C22orf23: variants seen among roughly 807,000 people sequenced by gnomAD.
The protein encoded by C22orf23 is chromosome 22 open reading frame 23.
C22orf23 carries 30 observed loss-of-function variants against 29.7 expected under a neutral mutation model. The observed-to-expected ratio is 1.01, with a 90% CI of 0.76 to 1.37. The LOEUF is 1.37. Ranked by LOEUF, C22orf23 falls within the 40% of genes most tolerant of loss-of-function variation. The pLI is 0.00. For missense variants in C22orf23, 237 were observed against 273.1 expected, an observed-to-expected ratio of 0.87 and a Z score of 0.93; for synonymous variants, 90 against 96.1, an observed-to-expected ratio of 0.94 and a Z score of 0.37.
chr22:37,947,613 C>T lies in C22orf23; in HGVS notation c.167-150G>A, dbSNP rs187664254. On this transcript the variant is annotated intron_variant, in intron 3 of 6. Coordinates refer to ENST00000403305, the MANE Select transcript of C22orf23 (RefSeq NM_032561.5). ...GCAACCTCTGCCTCTTAGGTTCAAGCGATTCTCCTGCCTCAGTCTCCCAAG... is the reference window on the plus strand; with the variant it reads ...GCAACCTCTGCCTCTTAGGTTCAAGTGATTCTCCTGCCTCAGTCTCCCAAG... 383 of 618,978 alleles carry T rather than the reference C, an allele frequency of 6.2e-4. 2 individuals are homozygous for T. The East Asian group carries it at 0.013, about 20-fold the overall frequency. 38.3% of individuals were successfully genotyped at this position (618,978 alleles called of 1,614,324 possible).
chr22:37,945,215 G>A (rs1930627203), intron 4 of C22orf23, 42 bp from the exon 5 acceptor site: 1 of 1,587,812 alleles, frequency 6.3e-7, no homozygotes, highest in Admixed American at 1.8e-5. Flanking sequence ...GCTGTAAAGG[G>A]TGCCCTTATT....
intron 3 of C22orf23, among the ~76,000 whole-genome samples, chr22:37,949,300 T>C (rs1383507303): frequency 1.3e-5 from 2 of 151,232 alleles, no homozygotes; most frequent in Admixed American, 6.6e-5. Flanking sequence ...TTTTTTTTTT[T>C]TGAGACAGAG....
intron 3 of C22orf23, among the ~76,000 whole-genome samples, chr22:37,947,973 G>A (rs1192602806): frequency 6.6e-6 from 1 of 151,978 alleles, no homozygotes; most frequent in Non-Finnish European, 1.5e-5. Context: ...TGGGCGTGGT[G>A]GCGGGTGCCT....
At chr22:37,944,382 C>CT in intron 6 of C22orf23, 35 bp downstream of exon 6, 1 of 1,613,830 alleles carries the variant, frequency 6.2e-7, no homozygotes, top group Non-Finnish European at 8.5e-7. Context: ...GCGCTGGGCC[C>CT]TTCCCCTCCC....
intron 4 of C22orf23, among the ~76,000 whole-genome samples, chr22:37,946,208 G>A (rs1049965130): frequency 6.6e-6 from 1 of 151,574 alleles, no homozygotes; most frequent in Admixed American, 6.6e-5. Flanking sequence ...GCAGTGAGCC[G>A]AGATGGTGCC....
Position 37,951,497 on chromosome 22 carries a change from C to T in C22orf23, c.129G>A (p.Thr43=), listed in dbSNP as rs12170918. The T allele has an allele frequency of 4.3e-6, 7 of 1,614,006 alleles. No individual in the cohort carries two copies. The highest frequency in any genetic ancestry group is 2.2e-5 in the East Asian group (1 of 44,870). The change falls in exon 3 of 7, where the codon ACG becomes ACA. Residue 43 remains threonine, a synonymous_variant. Transcript: ENST00000403305. ...CCATGATGTGGCGCTGCTGGATGTT[C>T]GTCAGTTTGGATTCCTTCATCATCA... ...LRVMMKESKL[T]NIQQRHIMDI...
At chr22:37,946,832 C>G (rs1186792281) in intron 4 of C22orf23, among the ~76,000 whole-genome samples, 1 of 150,208 alleles carries the variant, frequency 6.7e-6, no homozygotes, top group Non-Finnish European at 1.5e-5. Flanking sequence ...CGAGATAGCA[C>G]CACTGCACTC....
chr22:37,952,633 CACAGGTCAGGT>C (rs1931125423), intron 2 of C22orf23: 1 of 150,010 alleles, frequency 6.7e-6, no homozygotes, highest in South Asian at 2.0e-4. Context: ...AGTGCTAAGC[CACAGGTCAGGT>C]ACGGGGGAAC....
intron 4 of C22orf23, among the ~76,000 whole-genome samples, chr22:37,945,972 G>C (rs1202316943): frequency 2.6e-5 from 4 of 151,556 alleles, no homozygotes; most frequent in Admixed American, 2.6e-4. Context: ...AATTAGCTGG[G>C]CATGGGCCGG....
intron 2 of C22orf23, 46 bp downstream of exon 2, chr22:37,953,001 G>T: frequency 7.0e-7 from 1 of 1,437,634 alleles, no homozygotes; most frequent in Non-Finnish European, 9.7e-7. Context: ...CACGAAACCG[G>T]TCCCTGGTGC....
chr22:37,952,832 GAT>G (rs891303770), intron 2 of C22orf23: 2 of 475,442 alleles, frequency 4.2e-6, no homozygotes, highest in Admixed American at 7.7e-5. Context: ...GACGGCCTTA[GAT>G]TCTCATAGGA....
At chr22:37,946,010 G>A (rs1373127346) in intron 4 of C22orf23, among the ~76,000 whole-genome samples, 2 of 151,806 alleles carry the variant, frequency 1.3e-5, no homozygotes, top group African/African-American at 2.4e-5. Context: ...TGTAATCCCA[G>A]CACTTTGGGA....
chr22:37,951,549 C>A (rs1227522082), intron 2 of C22orf23, 27 bp from the exon 3 acceptor site: 1 of 1,610,310 alleles, frequency 6.2e-7, no homozygotes, highest in East Asian at 2.2e-5. Flanking sequence ...TCTATGAGGC[C>A]TCTTGGGCTG....
At chr22:37,949,093 TTC>T (rs1347272357) in intron 3 of C22orf23, among the ~76,000 whole-genome samples, 2 of 152,090 alleles carry the variant, frequency 1.3e-5, no homozygotes, top group African/African-American at 2.4e-5. Context: ...TCCTAAAACT[TTC>T]TGTGTGGTGC....
In C22orf23 at chr22:37,943,199, G is replaced by C. The variant is rs1231439161; in HGVS notation, c.*976C>G. The C allele has an allele frequency of 1.3e-5, 2 of 152,130 alleles. No homozygotes were observed. Among genetic ancestry groups the C allele is most frequent in the Non-Finnish European group, 2.9e-5 (2 of 68,062 alleles). The allele number at this position is 152,130 out of a possible 1,614,324, so 9.4% of individuals were successfully genotyped here. On this transcript the variant is annotated 3_prime_UTR_variant, in exon 7 of 7. Transcript: ENST00000403305. ...ATACCGGAGAAGGCAGGGATCGTGG[G>C]TGTCAGGAGCCAGAGGGGAGGGGGA...
chr22:37,950,414 A>T (rs954554415), intron 3 of C22orf23, among the ~76,000 whole-genome samples: 5 of 151,202 alleles, frequency 3.3e-5, no homozygotes, highest in African/African-American at 7.3e-5. Flanking sequence ...ACCCGGCCTG[A>T]CCTGTTTTTA....
chr22:37,947,577 C>G, intron 3 of C22orf23, 114 bp from the exon 4 acceptor site: 1 of 829,970 alleles, frequency 1.2e-6, no homozygotes, highest in Non-Finnish European at 1.7e-6. Flanking sequence ...GCGGCGCGAT[C>G]TCGGCTTACT....
chr22:37,945,108 G>C lies in C22orf23; in HGVS notation c.415C>G (p.Arg139Gly). ...IFATGKDMEE[R>G]KRKAPPARQK... ...CGTGCAGGAGGGGCCTTTCTTTTCC[G>C]TTCCTCCATGTCCTTCCCTGTGGCA... Residue 139 changes from arginine (R) to glycine (G), a missense_variant, in exon 5 of 7, where the codon CGG (arginine) becomes GGG (glycine). Arg to Gly is a moderately radical substitution (Grantham distance 125). Transcript: ENST00000403305. 5 of 1,613,652 alleles carry C rather than the reference G, an allele frequency of 3.1e-6. No homozygotes were observed. Among genetic ancestry groups the C allele is most frequent in the Non-Finnish European group, 4.2e-6 (5 of 1,179,852 alleles).
chr22:37,944,557 G>A (rs769927757), intron 5 of C22orf23, 40 bp from the exon 6 acceptor site: 1 of 1,555,134 alleles, frequency 6.4e-7, no homozygotes. Context: ...CATGAGGGAT[G>A]CAGGCAGCGG....
Sources: allele counts gnomAD v4.1 joint callset (sites outside exome capture counted in the v4.1 genomes callset), GRCh38; gene constraint gnomAD v4.1.1; transcripts MANE v1.5; gene names NCBI Gene and HGNC (gene_info 2026-07-23, HGNC 2026-07-21).